ADGRV1: variants seen among roughly 807,000 people sequenced by gnomAD.
ADGRV1 encodes the protein adhesion G protein-coupled receptor V1.
ADGRV1 carries 359 observed loss-of-function variants against 596.2 expected under a neutral mutation model. The observed-to-expected ratio is 0.60, with a 90% confidence interval of 0.55 to 0.66. ADGRV1 has a LOEUF of 0.66. ADGRV1 is among the 30% of genes least tolerant of loss of function. The pLI, the probability that ADGRV1 is intolerant of heterozygous loss-of-function variation, is 0.00. For missense variants in ADGRV1, 7,274 were observed against 7,575.6 expected (o/e 0.96, Z 1.48); for synonymous variants, 2,681 against 2,679.2 (o/e 1.00, Z -0.02).
At chr5:90,719,997 G>A in intron 43 of ADGRV1, 51 bp from the exon 44 acceptor site, 1 of 1,450,706 alleles carries the variant, frequency 6.9e-7, no homozygotes. Flanking sequence ...CTATATATGT[G>A]TTACAAAAAT....
At chr5:90,635,461 C>G (rs1177610050) in intron 10 of ADGRV1, among the ~76,000 whole-genome samples, 171 bp downstream of exon 10, 1 of 152,164 alleles carries the variant, frequency 6.6e-6, no homozygotes, top group Non-Finnish European at 1.5e-5. Context: ...TGTGATTTTT[C>G]CATCATCGTT....
At chr5:90,892,938 CAG>C (rs1554147604) in intron 83 of ADGRV1, among the ~76,000 whole-genome samples, 1 of 152,144 alleles carries the variant, frequency 6.6e-6, no homozygotes, top group East Asian at 1.9e-4. Context: ...GATGGAGTAA[CAG>C]GGGTAGATGA....
intron 60 of ADGRV1, 33 bp downstream of exon 60, chr5:90,774,336 A>G (rs1438015074): frequency 2.4e-6 from 3 of 1,234,762 alleles, no homozygotes; most frequent in Non-Finnish European, 1.2e-6. Context: ...GAAATTAAAA[A>G]GTAAATTCTC....
At position 90,808,060 on chromosome 5, in the gene ADGRV1, C is replaced by G. The variant is rs914146798; in HGVS notation, c.14972+323C>G. ...GAGAAGCTGAAAATACCTGATTGCCCCAAGTGATTAAGAGTAAGAATAAGA... is the reference window on the plus strand; with the variant it reads ...GAGAAGCTGAAAATACCTGATTGCCGCAAGTGATTAAGAGTAAGAATAAGA... On this transcript the variant is annotated intron_variant, in intron 73 of 89. Coordinates refer to ENST00000405460, the MANE Select transcript of ADGRV1 (RefSeq NM_032119.4). 2.6e-5 allele frequency among the ~76,000 whole-genome samples: 4 copies of G among 152,166 alleles called. No homozygotes were observed. The South Asian group carries it at 6.2e-4, about 24-fold the overall frequency.
At chr5:91,039,221 A>G (rs1481234458) in intron 85 of ADGRV1, among the ~76,000 whole-genome samples, 1 of 152,192 alleles carries the variant, frequency 6.6e-6, no homozygotes, top group African/African-American at 2.4e-5. Context: ...AAACTTTCAG[A>G]TCAGGGTAGG....
chr5:90,753,143 C>G (rs1755452039), intron 53 of ADGRV1, among the ~76,000 whole-genome samples: 1 of 152,140 alleles, frequency 6.6e-6, no homozygotes, highest in Admixed American at 6.6e-5. Flanking sequence ...TGATTCATTG[C>G]TTAGTGATAC....
chr5:90,634,844 C>A (rs897342134), intron 9 of ADGRV1, among the ~76,000 whole-genome samples: 4 of 151,930 alleles, frequency 2.6e-5, no homozygotes, highest in Non-Finnish European at 4.4e-5. Flanking sequence ...GGGAGAGATG[C>A]AGAGATTATT....
At chr5:90,851,124 TGTGTGTGTGTGAGAGAGAGAGA>T in intron 79 of ADGRV1, among the ~76,000 whole-genome samples, 1 of 98,570 alleles carries the variant, frequency 1.0e-5, no homozygotes, top group African/African-American at 3.5e-5. Flanking sequence ...TGTGTGTGTG[TGTGTGTGTGTGAGAGAGAGAGA>T]GAGAGAGAGA....
intron 72 of ADGRV1, among the ~76,000 whole-genome samples, chr5:90,806,159 G>C (rs1210877776): frequency 6.6e-6 from 1 of 152,198 alleles, no homozygotes; most frequent in Admixed American, 6.5e-5. Flanking sequence ...ATCACTGAGA[G>C]ATAAGAAGGA....
chr5:90,868,345 A>G (rs1205203673), intron 83 of ADGRV1, among the ~76,000 whole-genome samples: 1 of 152,074 alleles, frequency 6.6e-6, no homozygotes, highest in Non-Finnish European at 1.5e-5. Flanking sequence ...GCACACTTGT[A>G]TCTTTCCCTC....
chr5:90,868,646 G>A (rs1768365063), intron 83 of ADGRV1, among the ~76,000 whole-genome samples: 1 of 146,238 alleles, frequency 6.8e-6, no homozygotes, highest in Non-Finnish European at 1.5e-5. Flanking sequence ...GAGTATGTAA[G>A]CCTTTTTTTT....
At chr5:90,608,593 A>T (rs891300935) in intron 1 of ADGRV1, among the ~76,000 whole-genome samples, 8 of 152,158 alleles carry the variant, frequency 5.3e-5, no homozygotes, top group Non-Finnish European at 1.0e-4. Context: ...AGTTAAGTGG[A>T]AGGATAATAT....
intron 83 of ADGRV1, among the ~76,000 whole-genome samples, chr5:90,866,471 G>A (rs1768118862): frequency 6.6e-6 from 1 of 151,958 alleles, no homozygotes; most frequent in Non-Finnish European, 1.5e-5. Flanking sequence ...TAAAATATCA[G>A]TAGGTGGCAG....
intron 41 of ADGRV1, 62 bp from the exon 42 acceptor site, chr5:90,712,225 A>G (rs1561575386): frequency 2.2e-6 from 2 of 922,102 alleles, no homozygotes; most frequent in East Asian, 5.7e-5. Context: ...CTTTCCAAAC[A>G]TTCTATAGAA....
At chr5:90,655,753 G>GTGTA (rs1256018311) in intron 20 of ADGRV1, 1 of 151,802 alleles carries the variant, frequency 6.6e-6, no homozygotes, top group Non-Finnish European at 1.5e-5. Context: ...ATCATAAAAG[G>GTGTA]TGTATTTAAA....
At chr5:90,807,539 A>T in intron 72 of ADGRV1, 63 bp from the exon 73 acceptor site, 1 of 1,476,642 alleles carries the variant, frequency 6.8e-7, no homozygotes, top group South Asian at 1.3e-5. Context: ...CAGTTTTAAA[A>T]GTCAAATCCC....
In ADGRV1 at chr5:90,791,125, C is replaced by A; in HGVS notation, c.14296C>A (p.Leu4766Met). Residue 4766 changes from leucine to methionine, a missense_variant, in exon 70 of 90, where the codon CTG (leucine) becomes ATG (methionine). Transcript: ENST00000405460. ...ANDDPHGVFA[L>M]YSDRQSILIG... Reference sequence around the variant, plus strand: ...TGATGACCCACATGGAGTATTTGCCCTGTATTCGGATCGCCAGTCAATACT... The same window carrying A: ...TGATGACCCACATGGAGTATTTGCCATGTATTCGGATCGCCAGTCAATACT... The A allele has an allele frequency of 6.2e-7, 1 of 1,613,860 alleles. No homozygotes were observed. Among genetic ancestry groups the A allele is most frequent in the Non-Finnish European group, 8.5e-7 (1 of 1,179,824 alleles).
intron 85 of ADGRV1, among the ~76,000 whole-genome samples, chr5:90,997,459 C>T (rs1267451322): frequency 2.0e-5 from 3 of 152,090 alleles, no homozygotes; most frequent in Non-Finnish European, 2.9e-5. Context: ...TGAGGCCTCC[C>T]CAGCCATGTT....
At chr5:90,989,705 C>T (rs1780807447) in intron 85 of ADGRV1, among the ~76,000 whole-genome samples, 1 of 152,194 alleles carries the variant, frequency 6.6e-6, no homozygotes, top group Non-Finnish European at 1.5e-5. Context: ...GATAGGTCAT[C>T]CATGGTTTCA....
Sources: gnomAD v4.1 joint callset for allele counts (sites outside exome capture counted in the v4.1 genomes callset) on GRCh38, gnomAD v4.1.1 for gene constraint, MANE v1.5 for transcripts, NCBI Gene and HGNC (gene_info 2026-07-23, HGNC 2026-07-21) for gene names.